Variants in OR1B1 observed in about 807,000 individuals in gnomAD.
OR1B1 encodes the protein olfactory receptor 1B1.
For missense variants in OR1B1, 414 were observed against 402.1 expected (o/e 1.03, Z -0.25); for synonymous variants, 168 against 156.2 (o/e 1.08, Z -0.57).
chr9:122,639,429 T>C, the OR1B1 span, among the ~76,000 whole-genome samples: 1 of 152,140 alleles, frequency 6.6e-6, no homozygotes, highest in Non-Finnish European at 1.5e-5. Context: ...GCCCTTTGCA[T>C]GAACATATCA....
chr9:122,648,368 C>T, the OR1B1 span, among the ~76,000 whole-genome samples: 4 of 152,094 alleles, frequency 2.6e-5, no homozygotes, highest in African/African-American at 4.8e-5. Context: ...CCCGTTCATG[C>T]TAAAAACACT....
the OR1B1 span, among the ~76,000 whole-genome samples, chr9:122,653,050 A>G: frequency 6.6e-6 from 1 of 152,340 alleles, no homozygotes; most frequent in African/African-American, 2.4e-5. Context: ...TAGACTGAGG[A>G]CTTGGCATCA....
chr9:122,649,536 G>C, the OR1B1 span, among the ~76,000 whole-genome samples: 3,388 of 152,100 alleles, frequency 0.022, 130 homozygotes, highest in African/African-American at 0.078. Context: ...AATCTACAAA[G>C]AACTTAAACA....
At chr9:122,635,033 C>T in the OR1B1 span, among the ~76,000 whole-genome samples, 1 of 152,152 alleles carries the variant, frequency 6.6e-6, no homozygotes, top group Non-Finnish European at 1.5e-5. Context: ...CCTGGGTATA[C>T]ACCCGAAGGA....
upstream of OR1B1, among the ~76,000 whole-genome samples, chr9:122,633,418 T>A (rs1465596651): frequency 1.3e-5 from 2 of 152,022 alleles, no homozygotes; most frequent in Non-Finnish European, 2.9e-5. Flanking sequence ...TTACACCAAA[T>A]GCTCAGGCAA....
At chr9:122,645,271 G>A in the OR1B1 span, among the ~76,000 whole-genome samples, 1 of 151,728 alleles carries the variant, frequency 6.6e-6, no homozygotes, top group Non-Finnish European at 1.5e-5. Context: ...ACAGAATAAA[G>A]CATACTATAA....
chr9:122,628,545 T>C, downstream of OR1B1: 1 of 1,397,326 alleles, frequency 7.2e-7, no homozygotes, highest in Admixed American at 1.8e-5. Context: ...CCATGACTTT[T>C]CTCACCTATT....
the OR1B1 span, among the ~76,000 whole-genome samples, chr9:122,649,784 C>CT: frequency 7.2e-5 from 11 of 152,210 alleles, no homozygotes; most frequent in Non-Finnish European, 1.2e-4. Flanking sequence ...AACAGGAACT[C>CT]TTTTACACTG....
the OR1B1 span, among the ~76,000 whole-genome samples, chr9:122,635,780 C>A: frequency 2.0e-5 from 3 of 151,984 alleles, no homozygotes; most frequent in African/African-American, 7.3e-5. Flanking sequence ...CAGTAACTCC[C>A]AAACAAGATA....
chr9:122,640,732 A>G, the OR1B1 span, among the ~76,000 whole-genome samples: 3,790 of 152,296 alleles, frequency 0.025, 154 homozygotes, highest in East Asian at 0.19. Context: ...AAGAGAAGGC[A>G]TGGAGAGAAT....
exon 1 of OR1B1, chr9:122,628,896 G>A: frequency 1.2e-6 from 2 of 1,614,134 alleles, no homozygotes; most frequent in Non-Finnish European, 1.7e-6. Flanking sequence ...CAGGGGCCCA[G>A]CATAAGGAAG....
the OR1B1 span, among the ~76,000 whole-genome samples, chr9:122,649,568 C>A: frequency 1.3e-5 from 2 of 151,886 alleles, no homozygotes; most frequent in African/African-American, 4.8e-5. Context: ...AAAAAACAAC[C>A]CCATCAAAAA....
chr9:122,645,717 G>A, the OR1B1 span, among the ~76,000 whole-genome samples: 1 of 152,084 alleles, frequency 6.6e-6, no homozygotes, highest in Non-Finnish European at 1.5e-5. Context: ...GCATGAAGGA[G>A]AAATAAAGAT....
chr9:122,631,711 A>G (rs148311892), upstream of OR1B1, among the ~76,000 whole-genome samples: 2 of 152,276 alleles, frequency 1.3e-5, no homozygotes, highest in African/African-American at 4.8e-5. Context: ...TTAAACCTGT[A>G]TGAGGCAGGA....
the OR1B1 span, among the ~76,000 whole-genome samples, chr9:122,657,209 A>T: frequency 8.6e-5 from 13 of 151,980 alleles, no homozygotes; most frequent in Non-Finnish European, 1.0e-4. Context: ...TGTAAATAAT[A>T]AAAATACAAA....
the OR1B1 span, among the ~76,000 whole-genome samples, chr9:122,649,126 A>C: frequency 4.6e-5 from 7 of 152,208 alleles, no homozygotes; most frequent in Non-Finnish European, 8.8e-5. Flanking sequence ...TCTTTGACAA[A>C]CCTGACAAAA....
At chr9:122,631,881 A>G (rs138406171), upstream of OR1B1, among the ~76,000 whole-genome samples, 83 of 152,270 alleles carry the variant, frequency 5.5e-4, 1 homozygote, top group East Asian at 0.015. Flanking sequence ...ATGGAAGGAA[A>G]AGTGCTTTCC....
chr9:122,629,416 G>A (rs770223134), exon 1 of OR1B1: 3 of 1,613,800 alleles, frequency 1.9e-6, no homozygotes, highest in Admixed American at 3.3e-5. Flanking sequence ...TCCCCAGTAT[G>A]GTGGTCAGGT....
chr9:122,648,024 C>T, the OR1B1 span, among the ~76,000 whole-genome samples: 10 of 152,220 alleles, frequency 6.6e-5, no homozygotes, highest in African/African-American at 2.2e-4. Flanking sequence ...TCTCCCAGCT[C>T]TGTACCAGGC....
Sources: gnomAD v4.1 joint callset for allele counts (sites outside exome capture counted in the v4.1 genomes callset) on GRCh38, gnomAD v4.1.1 for gene constraint, MANE v1.5 for transcripts, NCBI Gene and HGNC (gene_info 2026-07-23, HGNC 2026-07-21) for gene names.